Variants in PRKG1 observed in about 807,000 individuals in gnomAD.
The protein encoded by PRKG1 is cGMP-dependent protein kinase 1.
In PRKG1, 35 loss-of-function variants were observed where a neutral mutation model predicts 88.1. The ratio of observed to expected loss-of-function variants is 0.40; its 90% CI spans 0.30 to 0.53. The LOEUF is 0.53. Among genes scored for constraint, PRKG1 ranks in the 20% least tolerant of loss-of-function variants. The pLI is 0.59. For synonymous variants in PRKG1, 303 were observed against 292.5 expected (o/e 1.04, Z -0.37); for missense variants, 540 against 839.8 (o/e 0.64, Z 4.41).
At chr10:51,922,248 T>G (rs1359792662) in intron 5 of PRKG1, among the ~76,000 whole-genome samples, 1 of 151,038 alleles carries the variant, frequency 6.6e-6, no homozygotes, top group East Asian at 1.9e-4. Context: ...TGGTGGCCCC[T>G]TCTTCATTTA....
intron 9 of PRKG1, among the ~76,000 whole-genome samples, chr10:52,217,946 G>C (rs1161127656): frequency 6.6e-6 from 1 of 152,076 alleles, no homozygotes; most frequent in African/African-American, 2.4e-5. Context: ...GGGAGCCGTG[G>C]CTCACACCTG....
chr10:52,174,136 C>T (rs1838791132), intron 9 of PRKG1, among the ~76,000 whole-genome samples: 2 of 151,664 alleles, frequency 1.3e-5, no homozygotes, highest in South Asian at 2.1e-4. Flanking sequence ...TGGTAAACTC[C>T]TTGTAATAGG....
chr10:51,980,239 T>C (rs1269932495), intron 5 of PRKG1, among the ~76,000 whole-genome samples: 9 of 152,238 alleles, frequency 5.9e-5, no homozygotes, highest in Non-Finnish European at 1.5e-5. Context: ...ATTATTTACT[T>C]AAAAGTCATT....
At chr10:52,290,354 T>C (rs1842212483) in intron 17 of PRKG1, 64 bp downstream of exon 17, 5 of 1,340,422 alleles carry the variant, frequency 3.7e-6, no homozygotes, top group Non-Finnish European at 2.1e-6. Context: ...CAGTCAACAA[T>C]GATCTGTTAT....
At chr10:51,943,938 G>T (rs975168226) in intron 5 of PRKG1, among the ~76,000 whole-genome samples, 1 of 151,920 alleles carries the variant, frequency 6.6e-6, no homozygotes, top group Admixed American at 6.6e-5. Context: ...GTCTCTGCCC[G>T]GCTTTGGTAT....
At chr10:51,243,476 T>C (rs1356203611) in intron 2 of PRKG1, among the ~76,000 whole-genome samples, 2 of 152,130 alleles carry the variant, frequency 1.3e-5, no homozygotes, top group East Asian at 3.9e-4. Flanking sequence ...CCTGCTGTGG[T>C]GTATGTGCAG....
chr10:51,461,097 T>C (rs1025338772), intron 2 of PRKG1, among the ~76,000 whole-genome samples: 2 of 152,166 alleles, frequency 1.3e-5, no homozygotes, highest in African/African-American at 4.8e-5. Flanking sequence ...TCATATGCAA[T>C]ATGTATTATA....
intron 5 of PRKG1, among the ~76,000 whole-genome samples, chr10:52,045,681 G>A (rs1252989948): frequency 2.0e-5 from 3 of 151,980 alleles, no homozygotes; most frequent in Admixed American, 6.6e-5. Flanking sequence ...CTATCCAGAA[G>A]TCTTAGATAA....
intron 2 of PRKG1, among the ~76,000 whole-genome samples, chr10:51,325,443 C>T (rs1028386980): frequency 6.6e-6 from 1 of 152,172 alleles, no homozygotes; most frequent in African/African-American, 2.4e-5. Flanking sequence ...AAGTGAAACG[C>T]CTGCCTCATT....
intron 2 of PRKG1, among the ~76,000 whole-genome samples, chr10:51,372,469 A>G (rs2132611022): frequency 6.6e-6 from 1 of 152,258 alleles, no homozygotes; most frequent in South Asian, 2.1e-4. Context: ...AAATTTTGAG[A>G]ATTTTAATTC....
intron 2 of PRKG1, among the ~76,000 whole-genome samples, chr10:51,182,358 A>G (rs1412584278): frequency 2.0e-5 from 3 of 152,196 alleles, no homozygotes; most frequent in African/African-American, 7.2e-5. Flanking sequence ...AGTTGATTTT[A>G]GAGATATCAT....
Position 51,639,436 on chromosome 10 carries a change from C to CAAAA in PRKG1, c.593-165110_593-165107dup, listed in dbSNP as rs769304908. Among the ~76,000 whole-genome samples the CAAAA allele has an allele frequency of 8.2e-4, 26 of 31,794 alleles. 1 individual carries two copies. The highest frequency in any genetic ancestry group is 2.2e-3 in the African/African-American group (12 of 5,410). The allele number at this position is 31,794 out of a possible 152,430, so 20.9% of individuals were successfully genotyped here. A position where few individuals can be genotyped will look rare whatever the true frequency, so the allele number is the denominator to read the frequency against. ...GCGGCGACAGAGCCAGACTCCATCT[C>CAAAA]AAAAAAAAAAAAAAAAAAAAAAAAA... On this transcript the variant is annotated intron_variant, in intron 3 of 17. Transcript: ENST00000373980.
At chr10:52,105,875 TA>T (rs1847408164) in intron 7 of PRKG1, among the ~76,000 whole-genome samples, 1 of 152,150 alleles carries the variant, frequency 6.6e-6, no homozygotes, top group Non-Finnish European at 1.5e-5. Flanking sequence ...GTTACATGGA[TA>T]CGTTCTTTAG....
intron 2 of PRKG1, among the ~76,000 whole-genome samples, chr10:51,180,748 C>T (rs1047936291): frequency 2.0e-5 from 3 of 152,318 alleles, no homozygotes; most frequent in African/African-American, 7.2e-5. Context: ...AGGGTTCTTT[C>T]TGGTAGCAAC....
At chr10:51,734,934 G>T (rs149477412) in intron 3 of PRKG1, among the ~76,000 whole-genome samples, 1 of 152,194 alleles carries the variant, frequency 6.6e-6, no homozygotes, top group Admixed American at 6.5e-5. Flanking sequence ...ATGCTCAGGG[G>T]TTAAGTGAAG....
intron 4 of PRKG1, among the ~76,000 whole-genome samples, chr10:51,878,423 AACATCAGTCTAG>A (rs1841354871): frequency 6.6e-6 from 1 of 152,192 alleles, no homozygotes; most frequent in Non-Finnish European, 1.5e-5. Context: ...CCAAATGGAT[AACATCAGTCTAG>A]AAAGTGGATG....
At chr10:51,077,238 C>T (rs929473022) in intron 1 of PRKG1, among the ~76,000 whole-genome samples, 3 of 152,212 alleles carry the variant, frequency 2.0e-5, no homozygotes, top group Non-Finnish European at 2.9e-5. Flanking sequence ...AATTTGATTA[C>T]ACGGACTTAC....
chr10:51,172,619 T>G (rs1837065792), intron 2 of PRKG1, among the ~76,000 whole-genome samples: 1 of 41,984 alleles, frequency 2.4e-5, no homozygotes, highest in South Asian at 8.0e-4. Flanking sequence ...TATGTATGTA[T>G]GTATGTATGT....
intron 4 of PRKG1, among the ~76,000 whole-genome samples, chr10:51,835,598 T>A: frequency 6.6e-6 from 1 of 152,330 alleles, no homozygotes; most frequent in East Asian, 1.9e-4. Flanking sequence ...TTTTTTTCAT[T>A]GGTTATCAAT....
Sources: allele counts gnomAD v4.1 joint callset (sites outside exome capture counted in the v4.1 genomes callset), GRCh38; gene constraint gnomAD v4.1.1; transcripts MANE v1.5; gene names NCBI Gene and HGNC (gene_info 2026-07-23, HGNC 2026-07-21).